The following PRKCQ variants were observed in gnomAD, a reference collection of about 807,000 sequenced individuals.
PRKCQ encodes the protein protein kinase C theta type.
Under a neutral mutation model 91.2 loss-of-function variants are expected in PRKCQ, and 41 were observed. The observed-to-expected ratio is 0.45, with a 90% confidence interval of 0.35 to 0.58. PRKCQ has a LOEUF of 0.58. Ranked by LOEUF, PRKCQ falls within the 20% of genes least tolerant of loss-of-function variation. The pLI is 0.00. For missense variants in PRKCQ, 673 were observed against 896.5 expected (o/e 0.75, Z 3.18); for synonymous variants, 307 against 316.9 (o/e 0.97, Z 0.33).
chr10:6,557,627 C>G (rs1840471313), intron 1 of PRKCQ, among the ~76,000 whole-genome samples: 1 of 152,152 alleles, frequency 6.6e-6, no homozygotes, highest in African/African-American at 2.4e-5. Context: ...GACCCTCTAC[C>G]TAGTAGTAGC....
Position 6,451,388 on chromosome 10 carries a change from AT to A in PRKCQ, c.1647+5285del. On this transcript the variant is annotated intron_variant, in intron 15 of 17. Transcript: ENST00000263125. ...CAAGACTAAACCAGGAAGAAGTTGAATCTCTGAATAGACCAATAACAGGATC... is the reference window on the plus strand; with the variant it reads ...CAAGACTAAACCAGGAAGAAGTTGAACTCTGAATAGACCAATAACAGGATC... 2.6e-5 allele frequency among the ~76,000 whole-genome samples: 4 copies of A among 152,310 alleles called. No homozygotes were observed. The East Asian group carries it at 5.8e-4, about 22-fold the overall frequency.
At chr10:6,517,216 T>C (rs1838799269) in intron 1 of PRKCQ, among the ~76,000 whole-genome samples, 1 of 152,136 alleles carries the variant, frequency 6.6e-6, no homozygotes, top group Non-Finnish European at 1.5e-5. Context: ...TTTTAGGTGA[T>C]CATGATGAAA....
At chr10:6,547,654 G>A (rs1215156799) in intron 1 of PRKCQ, among the ~76,000 whole-genome samples, 5 of 150,458 alleles carry the variant, frequency 3.3e-5, no homozygotes, top group Non-Finnish European at 7.5e-5. Context: ...TTTAATAAAT[G>A]GTGCTGGGAA....
Position 6,576,415 on chromosome 10 carries a change from A to C in PRKCQ, c.-10+3796T>G, listed in dbSNP as rs1841239485. On this transcript the variant is annotated intron_variant, in intron 1 of 17. Coordinates refer to ENST00000263125, the MANE Select transcript of PRKCQ (RefSeq NM_006257.5). This position sits in a 1 kb window ranked among gnomAD's most constrained non-coding sequence, Gnocchi z 4.2. ...AATGCTGTCACATGGATACAGCTTGAGAACACTATGCTAAGTGAAATAAGA... is the reference window on the plus strand; with the variant it reads ...AATGCTGTCACATGGATACAGCTTGCGAACACTATGCTAAGTGAAATAAGA... 6.6e-6 allele frequency among the ~76,000 whole-genome samples: 1 copy of C among 152,270 alleles called. No individual in the cohort carries two copies. Among genetic ancestry groups the C allele is most frequent in the Admixed American group, 6.5e-5 (1 of 15,292 alleles).
At chr10:6,476,390 TG>T (rs1212136287) in intron 12 of PRKCQ, among the ~76,000 whole-genome samples, 7 of 150,526 alleles carry the variant, frequency 4.7e-5, no homozygotes, top group African/African-American at 1.7e-4. Context: ...CAGTCTAAAA[TG>T]TGTTTATAGT....
At chr10:6,559,923 C>T (rs1354814370) in intron 1 of PRKCQ, among the ~76,000 whole-genome samples, 2 of 152,108 alleles carry the variant, frequency 1.3e-5, no homozygotes, top group Non-Finnish European at 2.9e-5. Flanking sequence ...GTGGTCAAGT[C>T]ACTGTATTTG....
rs1303121733 is a variant in PRKCQ, at chr10:6,464,379, T to A, written c.1379A>T (p.Tyr460Phe). Residue 460 changes from tyrosine (Y) to phenylalanine (F), a missense_variant, in exon 13 of 18, where the codon TAC becomes TTC. Physicochemically the swap from Tyr to Phe is conservative, Grantham distance 22. Coordinates refer to ENST00000263125, the MANE Select transcript of PRKCQ (RefSeq NM_006257.5). Reference sequence around the variant, plus strand: ...GTACATTAAGTCCCCTCCGTTGAGGTACTCCATCACAAAAAAGAGGTTTTC... The same window carrying A: ...GTACATTAAGTCCCCTCCGTTGAGGAACTCCATCACAAAAAAGAGGTTTTC... The part of the protein sequence containing the change: ...TKENLFFVME[Y>F]LNGGDLMYHI... 2 of 1,610,950 alleles carry A rather than the reference T, an allele frequency of 1.2e-6. No homozygotes were observed. The highest frequency in any genetic ancestry group is 2.7e-5 in the African/African-American group (2 of 74,598).
intron 10 of PRKCQ, 66 bp downstream of exon 10, chr10:6,485,086 G>T: frequency 7.2e-7 from 1 of 1,379,576 alleles, no homozygotes; most frequent in Non-Finnish European, 1.0e-6. Flanking sequence ...AAATCCAAGG[G>T]CATTAGGTTA....
intron 4 of PRKCQ, 30 bp downstream of exon 4, chr10:6,507,406 C>A: frequency 1.3e-6 from 2 of 1,597,312 alleles, no homozygotes; most frequent in South Asian, 1.1e-5. Flanking sequence ...CCCTCCTCAC[C>A]CCCAAACAGG....
At chr10:6,462,851 A>G (rs1835430347) in intron 13 of PRKCQ, among the ~76,000 whole-genome samples, 2 of 152,114 alleles carry the variant, frequency 1.3e-5, no homozygotes, top group African/African-American at 4.8e-5. Flanking sequence ...GTAAAAATAC[A>G]AAAATTAGCA....
chr10:6,562,585 G>A (rs1564395292), intron 1 of PRKCQ, among the ~76,000 whole-genome samples: 1 of 152,192 alleles, frequency 6.6e-6, no homozygotes, highest in Non-Finnish European at 1.5e-5. Flanking sequence ...AAGGGAGAAG[G>A]AAGTCTCAAA....
chr10:6,565,912 T>C (rs962816062), intron 1 of PRKCQ, among the ~76,000 whole-genome samples: 1 of 152,232 alleles, frequency 6.6e-6, no homozygotes, highest in African/African-American at 2.4e-5. Flanking sequence ...CTGTTCATAG[T>C]ACCCCTCTAA....
intron 16 of PRKCQ, among the ~76,000 whole-genome samples, chr10:6,436,514 A>T (rs185423380): frequency 6.6e-6 from 1 of 152,112 alleles, no homozygotes; most frequent in Non-Finnish European, 1.5e-5. Context: ...CAAGATACAA[A>T]CTGTTCCATA....
At chr10:6,529,551 C>T (rs908270271) in intron 1 of PRKCQ, among the ~76,000 whole-genome samples, 6 of 152,130 alleles carry the variant, frequency 3.9e-5, no homozygotes, top group African/African-American at 1.4e-4. Flanking sequence ...ATCTGAAGCC[C>T]CTGGGCATGA....
At chr10:6,507,250 G>A (rs976264740) in intron 4 of PRKCQ, among the ~76,000 whole-genome samples, 186 bp downstream of exon 4, 2 of 152,104 alleles carry the variant, frequency 1.3e-5, no homozygotes, top group Admixed American at 1.3e-4. Context: ...ATATTTCTAC[G>A]TTTTTCCGGC....
intron 7 of PRKCQ, among the ~76,000 whole-genome samples, chr10:6,496,259 C>T (rs1011489126): frequency 8.0e-5 from 12 of 149,612 alleles, no homozygotes; most frequent in African/African-American, 1.5e-4. Context: ...AAGAAATCTG[C>T]ACTTGTACCT....
At chr10:6,472,736 G>A (rs958629854) in intron 12 of PRKCQ, among the ~76,000 whole-genome samples, 1 of 152,078 alleles carries the variant, frequency 6.6e-6, no homozygotes, top group Admixed American at 6.5e-5. Flanking sequence ...TTTTTGAGAC[G>A]GAGTTTCACT....
Position 6,464,395 on chromosome 10 carries a change from A to G in PRKCQ, c.1363T>C (p.Phe455Leu). The change falls in exon 13 of 18, where the codon TTT (phenylalanine) becomes CTT (leucine). Residue 455 changes from phenylalanine to leucine, a missense_variant. Phe to Leu is a conservative substitution (Grantham distance 22). Coordinates refer to ENST00000263125, the MANE Select transcript of PRKCQ (RefSeq NM_006257.5). ...FCTFQTKENL[F>L]FVMEYLNGGD... ...CCGTTGAGGTACTCCATCACAAAAA[A>G]GAGGTTTTCCTGTGGAAAAACAAAA... The G allele has an allele frequency of 1.9e-6, 3 of 1,599,104 alleles. No individual in the cohort carries two copies. Among genetic ancestry groups the G allele is most frequent in the Non-Finnish European group, 2.6e-6 (3 of 1,176,332 alleles).
intron 1 of PRKCQ, among the ~76,000 whole-genome samples, chr10:6,534,511 T>A (rs187584121): frequency 1.3e-5 from 2 of 152,194 alleles, no homozygotes; most frequent in Admixed American, 1.3e-4. Context: ...AAGAGACCTC[T>A]ACAAGCTTTA....
Sources: allele counts gnomAD v4.1 joint callset (sites outside exome capture counted in the v4.1 genomes callset), GRCh38; gene constraint gnomAD v4.1.1; non-coding constraint Gnocchi (gnomAD v3.1); transcripts MANE v1.5; gene names NCBI Gene and HGNC (gene_info 2026-07-23, HGNC 2026-07-21).